The following A2M variants were observed in gnomAD, a reference collection of about 807,000 sequenced individuals.
A2M encodes alpha-2-macroglobulin, also known as C3 and PZP-like alpha-2-macroglobulin domain-containing protein 5.
In A2M, 128 loss-of-function variants were observed where a neutral mutation model predicts 183.9. That is an observed-to-expected ratio of 0.70 (90% CI 0.60 to 0.81). A2M has a LOEUF of 0.81. Among genes scored for constraint, A2M ranks in the 30% least tolerant of loss-of-function variants. A2M has a pLI of 0.00. For missense variants in A2M, 1,495 were observed against 1,787.6 expected (o/e 0.84, Z 2.95); for synonymous variants, 592 against 670.8 (o/e 0.88, Z 1.81).
intron 15 of A2M, 42 bp from the exon 16 acceptor site, chr12:9,095,742 C>CTTTTTTTTTTTTTTTT (rs34176052): frequency 7.2e-6 from 2 of 276,800 alleles, no homozygotes. Flanking sequence ...TTATTTGTGA[C>CTTTTTTTTTTTTTTTT]TTTTTTTTTT....
rs1164622795 is a variant in A2M, at chr12:9,067,813, C to G, written c.*10G>C. 6.2e-7 allele frequency: 1 copy of G among 1,612,566 alleles called. No individual in the cohort carries two copies. The highest frequency in any genetic ancestry group is 1.3e-5 in the African/African-American group (1 of 74,886). ...GGACTCCAGCAAAGCACTTTTCAGC[C>G]TTGTGGTCTTCAAGCATTTCCAAGA... is the stretch of plus-strand genomic sequence containing the variant. On this transcript the variant is annotated 3_prime_UTR_variant, in exon 36 of 36. Coordinates refer to ENST00000318602, the MANE Select transcript of A2M (RefSeq NM_000014.6).
intron 27 of A2M, 131 bp downstream of exon 27, chr12:9,077,215 T>C: frequency 1.1e-6 from 1 of 918,902 alleles, no homozygotes; most frequent in Non-Finnish European, 1.6e-6. Flanking sequence ...TCTGTAGATC[T>C]GGGAAGCACT....
At chr12:9,112,354 C>G in intron 3 of A2M, 23 bp downstream of exon 3, 1 of 1,608,980 alleles carries the variant, frequency 6.2e-7, no homozygotes, top group Non-Finnish European at 8.5e-7. Flanking sequence ...TTGAAGTTGT[C>G]CTGTCTGTAG....
chr12:9,078,242 C>G (rs931885282), intron 25 of A2M, among the ~76,000 whole-genome samples: 3 of 151,330 alleles, frequency 2.0e-5, no homozygotes, highest in Non-Finnish European at 4.4e-5. Flanking sequence ...GTCCCTGTGT[C>G]CGTGTGTTCT....
chr12:9,093,355 T>C (rs1949267557), intron 18 of A2M, 110 bp downstream of exon 18: 1 of 713,494 alleles, frequency 1.4e-6, no homozygotes, highest in South Asian at 1.7e-5. Context: ...CAAAACATCA[T>C]GTTGTACATC....
At chr12:9,114,698 TG>T (rs1938990871) in intron 1 of A2M, among the ~76,000 whole-genome samples, 1 of 149,436 alleles carries the variant, frequency 6.7e-6, no homozygotes, top group South Asian at 2.1e-4. Flanking sequence ...TGTATACTTA[TG>T]TTCACATATA....
chr12:9,098,603 T>C lies in A2M; in HGVS notation c.1851+4A>G. 3 of 1,593,834 alleles carry C rather than the reference T, an allele frequency of 1.9e-6. No homozygotes were observed. The highest frequency in any genetic ancestry group is 2.6e-6 in the Non-Finnish European group (3 of 1,170,534). On this transcript the variant is annotated splice_donor_region_variant and intron_variant, in intron 15 of 35. Coordinates refer to ENST00000318602, the MANE Select transcript of A2M (RefSeq NM_000014.6). ...CTTGATTCCTGAGGCTGCCAGGAAC[T>C]CACCGAGGACGCCGAGAGCTCAGCA...
At chr12:9,107,861 C>CT (rs1408088798) in intron 7 of A2M, among the ~76,000 whole-genome samples, 37 of 151,668 alleles carry the variant, frequency 2.4e-4, no homozygotes, top group Admixed American at 2.1e-3. Flanking sequence ...TTTATCATTT[C>CT]TTTTTTTTCC....
At chr12:9,072,540 C>T (rs768143978) in intron 30 of A2M, 54 bp from the exon 31 acceptor site, 8 of 1,601,832 alleles carry the variant, frequency 5.0e-6, no homozygotes, top group Non-Finnish European at 6.8e-6. Context: ...GAATTCCTGT[C>T]CACGTCCCTA....
intron 25 of A2M, among the ~76,000 whole-genome samples, chr12:9,078,400 A>G (rs897502887): frequency 6.6e-6 from 1 of 152,224 alleles, no homozygotes; most frequent in South Asian, 2.1e-4. Context: ...ATAGTATTCC[A>G]TGATGTATAT....
rs1948473131 is a variant in A2M, at chr12:9,068,809, C to T, written c.4297G>A (p.Val1433Ile). ...TCTCTTACTGGGACATCTTGCAGAA[C>T]CGTGAAGAACAAGCTCAGTGTCTGA... ...SNQTLSLFFT[V>I]LQDVPVRDLK... Residue 1433 changes from valine (V) to isoleucine (I), a missense_variant, in exon 34 of 36, where the codon GTT becomes ATT. Transcript: ENST00000318602. 1.2e-6 allele frequency: 2 copies of T among 1,607,572 alleles called. No individual in the cohort carries two copies. The highest frequency in any genetic ancestry group is 1.7e-6 in the Non-Finnish European group (2 of 1,177,112).
intron 10 of A2M, among the ~76,000 whole-genome samples, chr12:9,104,920 C>T (rs1938170817): frequency 6.6e-6 from 1 of 152,194 alleles, no homozygotes; most frequent in Non-Finnish European, 1.5e-5. Flanking sequence ...ATTGCCAATA[C>T]ATTGTCCTGT....
intron 11 of A2M, among the ~76,000 whole-genome samples, chr12:9,103,235 G>T (rs226393): frequency 0.39 from 60,003 of 151,942 alleles, 12,834 homozygotes; most frequent in African/African-American, 0.54. Context: ...CAACATGTAT[G>T]ATTTCACTTA....
chr12:9,101,450 A>T lies in A2M; in HGVS notation c.1491T>A (p.Tyr497Ter). 3.7e-6 allele frequency: 6 copies of T among 1,611,240 alleles called. No homozygotes were observed. Among genetic ancestry groups the T allele is most frequent in the Non-Finnish European group, 5.1e-6 (6 of 1,177,718 alleles). ...ACGCAGTAACCTCCCTTCTCACCAG[A>T]TAATAGAAGGAGAGCTTCTTCAGCC... is the stretch of plus-strand genomic sequence containing the variant. ...LLGLKKLSFYYLIMAKGGIVR... is the reference protein window; with the variant it reads ...LLGLKKLSFY Residue 497 changes from tyrosine (Y) to a stop codon, truncating the protein, a stop_gained, in exon 12 of 36, where the codon TAT becomes TAA. Coordinates refer to ENST00000318602, the MANE Select transcript of A2M (RefSeq NM_000014.6). LOFTEE classifies it high-confidence loss of function.
At chr12:9,084,702 G>A (rs1949004081) in intron 22 of A2M, among the ~76,000 whole-genome samples, 1 of 151,978 alleles carries the variant, frequency 6.6e-6, no homozygotes. Context: ...AATGCAAATG[G>A]ACTAAATTCC....
intron 25 of A2M, 107 bp downstream of exon 25, chr12:9,079,137 C>A: frequency 1.2e-6 from 1 of 811,908 alleles, no homozygotes; most frequent in Non-Finnish European, 1.9e-6. Context: ...AACAAACCAT[C>A]GGTCTGATAA....
At chr12:9,102,569 C>A (rs1007273879) in intron 11 of A2M, among the ~76,000 whole-genome samples, 1 of 152,080 alleles carries the variant, frequency 6.6e-6, no homozygotes, top group Non-Finnish European at 1.5e-5. Context: ...ACCTCAGAGG[C>A]CCTATTTGGG....
Position 9,067,834 on chromosome 12 carries a change from C to A in A2M, c.4414G>T (p.Gly1472Ter). Residue 1472 changes from glycine (G) to a stop codon, truncating the protein, a stop_gained, in exon 36 of 36, where the codon GGA becomes TGA. Coordinates refer to ENST00000318602, the MANE Select transcript of A2M (RefSeq NM_000014.6). LOFTEE classifies it high-confidence loss of function. ...EYNAPCSKDL[G>*]NA ...CAGCCTTGTGGTCTTCAAGCATTTC[C>A]AAGATCTGTGACATTGGAAAGAAAA... The A allele has an allele frequency of 6.2e-7, 1 of 1,612,546 alleles. No homozygotes were observed. Among genetic ancestry groups the A allele is most frequent in the Non-Finnish European group, 8.5e-7 (1 of 1,179,348 alleles).
chr12:9,111,494 A>G (rs1473974486), intron 4 of A2M: 1 of 456,354 alleles, frequency 2.2e-6, no homozygotes, highest in Non-Finnish European at 4.4e-6. Context: ...TTGCAGCAGT[A>G]GTTCAGATGA....
Sources: allele counts gnomAD v4.1 joint callset (sites outside exome capture counted in the v4.1 genomes callset), GRCh38; gene constraint gnomAD v4.1.1; transcripts MANE v1.5; gene names NCBI Gene and HGNC (gene_info 2026-07-23, HGNC 2026-07-21).